Variants in BABAM2 observed in about 807,000 individuals in gnomAD.
The protein encoded by BABAM2 is BRISC and BRCA1-A complex member 2.
In BABAM2, 31 loss-of-function variants were observed where a neutral mutation model predicts 54.7. The observed-to-expected ratio is 0.57, with a 90% CI of 0.43 to 0.77. The LOEUF is 0.77. Among genes scored for constraint, BABAM2 ranks in the 30% least tolerant of loss-of-function variants. BABAM2 has a pLI of 0.00. For missense variants in BABAM2, 364 were observed against 455.8 expected (o/e 0.80, Z 1.83); for synonymous variants, 167 against 162.9 (o/e 1.03, Z -0.19).
chr2:28,124,256 T>G (rs1440810464), intron 6 of BABAM2, among the ~76,000 whole-genome samples: 1 of 152,254 alleles, frequency 6.6e-6, no homozygotes, highest in Non-Finnish European at 1.5e-5. Context: ...TATGAATGTC[T>G]TCAAGCTCAG....
intron 7 of BABAM2, among the ~76,000 whole-genome samples, chr2:28,177,604 G>A (rs1445296762): frequency 3.3e-5 from 5 of 151,564 alleles, no homozygotes; most frequent in Middle Eastern, 6.8e-3. Context: ...GCCAGAAAAC[G>A]ATTGAACAAA....
intron 3 of BABAM2, among the ~76,000 whole-genome samples, chr2:27,975,859 C>A (rs575616407): frequency 4.0e-5 from 6 of 151,854 alleles, no homozygotes; most frequent in African/African-American, 1.4e-4. Context: ...ATTAAGAAAA[C>A]CAACAACAAT....
intron 4 of BABAM2, among the ~76,000 whole-genome samples, chr2:28,019,591 T>G (rs1299636310): frequency 6.6e-6 from 1 of 152,238 alleles, no homozygotes; most frequent in Non-Finnish European, 1.5e-5. Context: ...AGAAGGGTTT[T>G]TCCTATGTTA....
In BABAM2 at chr2:28,304,436, T is replaced by A. The variant is rs1324771282; in HGVS notation, c.1088+5945T>A. Among the ~76,000 whole-genome samples, 8 of 150,778 alleles carry A rather than the reference T, an allele frequency of 5.3e-5. No individual in the cohort carries two copies. The highest frequency in any genetic ancestry group is 2.1e-4 in the South Asian group (1 of 4,826). On this transcript the variant is annotated intron_variant, in intron 11 of 11. Coordinates refer to ENST00000379624, the MANE Select transcript of BABAM2 (RefSeq NM_199191.3). The surrounding 1 kb of genome is among the most constrained non-coding windows in gnomAD (Gnocchi z 4.0). ...TATATAAAAATATAAACAAAATTTT[T>A]AAAAATTTATTTTCTAGTTTGTTGC...
intron 6 of BABAM2, among the ~76,000 whole-genome samples, chr2:28,068,550 C>T (rs980098033): frequency 6.6e-6 from 1 of 152,056 alleles, no homozygotes; most frequent in Non-Finnish European, 1.5e-5. Flanking sequence ...TCTTATATTC[C>T]ATTTTGGAAA....
chr2:28,327,202 A>G, intron 11 of BABAM2: 4 of 1,493,240 alleles, frequency 2.7e-6, no homozygotes. Flanking sequence ...GCCCATTAGG[A>G]CTACCCTGTC....
At chr2:28,281,321 A>G (rs901396799) in intron 10 of BABAM2, among the ~76,000 whole-genome samples, 3 of 152,220 alleles carry the variant, frequency 2.0e-5, no homozygotes, top group Non-Finnish European at 4.4e-5. Flanking sequence ...GGAGGTAGAC[A>G]AAGCTTACTG....
At chr2:28,165,289 G>T (rs1217757680) in intron 7 of BABAM2, among the ~76,000 whole-genome samples, 2 of 152,222 alleles carry the variant, frequency 1.3e-5, no homozygotes, top group Admixed American at 6.5e-5. Flanking sequence ...TACTGGACAT[G>T]TGAGAGGATT....
intron 11 of BABAM2, among the ~76,000 whole-genome samples, chr2:28,334,799 G>A (rs1290246997): frequency 1.3e-5 from 2 of 152,226 alleles, no homozygotes; most frequent in Admixed American, 1.3e-4. Context: ...GGCATCAGGT[G>A]GCCTTATCAC....
intron 7 of BABAM2, among the ~76,000 whole-genome samples, chr2:28,174,542 G>A (rs1387681449): frequency 1.3e-5 from 2 of 152,104 alleles, no homozygotes; most frequent in African/African-American, 4.8e-5. Context: ...AAGCACAGCC[G>A]GGATCAGCTA....
chr2:27,991,271 C>G (rs1290107869), intron 4 of BABAM2, among the ~76,000 whole-genome samples: 1 of 152,198 alleles, frequency 6.6e-6, no homozygotes, highest in Non-Finnish European at 1.5e-5. Flanking sequence ...CTGATTGAAT[C>G]CATCTTTTAT....
intron 3 of BABAM2, among the ~76,000 whole-genome samples, chr2:27,980,162 A>G (rs1217285230): frequency 2.0e-5 from 3 of 152,014 alleles, no homozygotes; most frequent in African/African-American, 7.3e-5. Flanking sequence ...TGGTTGTAAC[A>G]CTTCTTCCTT....
chr2:28,091,430 C>T (rs1666147013), intron 6 of BABAM2, among the ~76,000 whole-genome samples: 1 of 152,170 alleles, frequency 6.6e-6, no homozygotes, highest in South Asian at 2.1e-4. Context: ...GTAGTTCCAT[C>T]TCTGCCTGTG....
rs925112445 is a variant in BABAM2, at chr2:27,995,803, A to G, written c.300+7716A>G. On this transcript the variant is annotated intron_variant, in intron 4 of 11. Transcript: ENST00000379624. This position sits in a 1 kb window ranked among gnomAD's most constrained non-coding sequence, Gnocchi z 4.1. ...CACCATGTTAGCCAGGATGGTCTCCATCTCCTGACCTCATGATCTGCCCAC... is the reference window on the plus strand; with the variant it reads ...CACCATGTTAGCCAGGATGGTCTCCGTCTCCTGACCTCATGATCTGCCCAC... Among the ~76,000 whole-genome samples the G allele has an allele frequency of 3.3e-5, 5 of 152,020 alleles. No individual in the cohort carries two copies. The highest frequency in any genetic ancestry group is 1.2e-4 in the African/African-American group (5 of 41,380).
intron 5 of BABAM2, 54 bp from the exon 6 acceptor site, chr2:28,045,671 A>G: frequency 6.8e-7 from 1 of 1,474,264 alleles, no homozygotes; most frequent in Non-Finnish European, 9.3e-7. Context: ...TATAATTGTC[A>G]CTTCATAATC....
intron 7 of BABAM2, among the ~76,000 whole-genome samples, chr2:28,137,002 G>A (rs914146496): frequency 2.0e-5 from 3 of 152,026 alleles, no homozygotes; most frequent in Non-Finnish European, 4.4e-5. Flanking sequence ...CACCAAATTT[G>A]ATATCTTAAC....
chr2:28,071,306 G>C (rs1664120353), intron 6 of BABAM2, among the ~76,000 whole-genome samples: 1 of 151,910 alleles, frequency 6.6e-6, no homozygotes, highest in African/African-American at 2.4e-5. Flanking sequence ...TGTTATTATT[G>C]TTGTTGAAGA....
At chr2:28,176,569 C>CAAAAAAAA (rs778275011) in intron 7 of BABAM2, among the ~76,000 whole-genome samples, 440 of 5,040 alleles carry the variant, frequency 0.087, 196 homozygotes, top group Non-Finnish European at 0.12. Context: ...GACTCTATCT[C>CAAAAAAAA]AAAAAAAAAA....
chr2:28,289,066 G>GCA (rs371231392), intron 10 of BABAM2, among the ~76,000 whole-genome samples: 323 of 146,972 alleles, frequency 2.2e-3, no homozygotes, highest in Middle Eastern at 3.5e-3. Context: ...ATACACACGC[G>GCA]CACACACACA....
Sources: gnomAD v4.1 joint callset for allele counts (sites outside exome capture counted in the v4.1 genomes callset) on GRCh38, gnomAD v4.1.1 for gene constraint, Gnocchi (gnomAD v3.1) non-coding constraint, MANE v1.5 for transcripts, NCBI Gene and HGNC (gene_info 2026-07-23, HGNC 2026-07-21) for gene names.